The following EPB41L4B variants were observed in gnomAD, a reference collection of about 807,000 sequenced individuals.
EPB41L4B encodes the protein band 4.1-like protein 4B.
EPB41L4B carries 30 observed loss-of-function variants against 112.5 expected under a neutral mutation model. The observed-to-expected ratio is 0.27, with a 90% CI of 0.20 to 0.36. The LOEUF is 0.36. Ranked by LOEUF, EPB41L4B falls within the 10% of genes least tolerant of loss-of-function variation. The pLI is 1.00. For synonymous variants in EPB41L4B, 408 were observed against 439.7 expected, an observed-to-expected ratio of 0.93 and a Z score of 0.90; for missense variants, 1,024 against 1,133.3, an observed-to-expected ratio of 0.90 and a Z score of 1.38.
chr9:109,275,800 T>C (rs566569835), intron 2 of EPB41L4B, among the ~76,000 whole-genome samples: 73 of 152,142 alleles, frequency 4.8e-4, no homozygotes, highest in African/African-American at 1.7e-3. Context: ...AATTGCAAAA[T>C]TTGAGTTTGA....
At position 109,255,696 on chromosome 9, in the gene EPB41L4B, C is replaced by T. The variant is rs1324545830; in HGVS notation, c.1000-16G>A. 6.2e-7 allele frequency: 1 copy of T among 1,610,986 alleles called. No individual in the cohort carries two copies. The highest frequency in any genetic ancestry group is 2.2e-5 in the East Asian group (1 of 44,818). ...GCTCACGTCCCTTAAAGAGGAAGCACAAGGGCCTCGAGTGGGCGTTTGCAA... is the reference window on the plus strand; with the variant it reads ...GCTCACGTCCCTTAAAGAGGAAGCATAAGGGCCTCGAGTGGGCGTTTGCAA... On this transcript the variant is annotated splice_polypyrimidine_tract_variant and intron_variant, in intron 10 of 25. Transcript: ENST00000374566.
At chr9:109,298,738 T>A (rs1238680668) in intron 1 of EPB41L4B, among the ~76,000 whole-genome samples, 1 of 152,170 alleles carries the variant, frequency 6.6e-6, no homozygotes, top group Non-Finnish European at 1.5e-5. Flanking sequence ...CTAGGTAACG[T>A]CTCGTCATCT....
rs1835491120 is a variant in EPB41L4B, at chr9:109,268,554, T to C, written c.412-121A>G. ...CCCACAAAAACCAGGGTTTGGATCATATCATGGGTTCTTAGGCTGGGAATC... is the reference window on the plus strand; with the variant it reads ...CCCACAAAAACCAGGGTTTGGATCACATCATGGGTTCTTAGGCTGGGAATC... On this transcript the variant is annotated intron_variant, in intron 2 of 25. Coordinates refer to ENST00000374566, the MANE Select transcript of EPB41L4B (RefSeq NM_019114.5). 15 of 836,552 alleles carry C rather than the reference T, an allele frequency of 1.8e-5. No individual in the cohort carries two copies. In the East Asian group the frequency reaches 4.0e-4, roughly 22 times the overall value. 51.8% of individuals were successfully genotyped at this position (836,552 alleles called of 1,614,324 possible). A position where few individuals can be genotyped will look rare whatever the true frequency, so the allele number is the denominator to read the frequency against.
intron 16 of EPB41L4B, among the ~76,000 whole-genome samples, chr9:109,214,652 G>C (rs951538612): frequency 6.6e-6 from 1 of 152,226 alleles, no homozygotes; most frequent in African/African-American, 2.4e-5. Context: ...AACAGCAGGT[G>C]CAAAGGACAG....
intron 19 of EPB41L4B, 54 bp from the exon 20 acceptor site, chr9:109,200,388 G>C: frequency 7.1e-7 from 1 of 1,410,080 alleles, no homozygotes; most frequent in East Asian, 2.3e-5. Flanking sequence ...TTATGGTCTC[G>C]TTTTAGCCAT....
At chr9:109,289,131 G>C (rs1168680384) in intron 1 of EPB41L4B, among the ~76,000 whole-genome samples, 1 of 152,086 alleles carries the variant, frequency 6.6e-6, no homozygotes, top group African/African-American at 2.4e-5. Flanking sequence ...AGAATAAAGT[G>C]CAGGTTCCTC....
intron 15 of EPB41L4B, 105 bp from the exon 16 acceptor site, chr9:109,217,250 A>G (rs1352134244): frequency 1.1e-6 from 1 of 902,762 alleles, no homozygotes; most frequent in Non-Finnish European, 1.7e-6. Context: ...AAAGAAATAA[A>G]CTCAAAAACT....
chr9:109,273,195 G>T (rs778324950), intron 2 of EPB41L4B, among the ~76,000 whole-genome samples: 1 of 152,042 alleles, frequency 6.6e-6, no homozygotes, highest in Admixed American at 6.5e-5. Flanking sequence ...GAAAACACTC[G>T]GCCTGCCTCC....
chr9:109,304,648 T>C (rs1837099876), intron 1 of EPB41L4B, among the ~76,000 whole-genome samples: 1 of 152,104 alleles, frequency 6.6e-6, no homozygotes, highest in South Asian at 2.1e-4. Flanking sequence ...CAATCTCCTA[T>C]ATAATGAGGA....
chr9:109,297,357 G>C (rs1269675228), intron 1 of EPB41L4B, among the ~76,000 whole-genome samples: 2 of 152,090 alleles, frequency 1.3e-5, no homozygotes, highest in Admixed American at 6.5e-5. Context: ...AGCAGTCCTA[G>C]CAAACTAACA....
At chr9:109,263,432 A>T (rs1203263754) in intron 5 of EPB41L4B, among the ~76,000 whole-genome samples, 2 of 152,256 alleles carry the variant, frequency 1.3e-5, no homozygotes, top group Non-Finnish European at 2.9e-5. Context: ...ACATATTTTA[A>T]ATTTATTTTA....
chr9:109,253,963 A>G (rs192197939), intron 11 of EPB41L4B, among the ~76,000 whole-genome samples: 1 of 152,348 alleles, frequency 6.6e-6, no homozygotes, highest in African/African-American at 2.4e-5. Context: ...TTGCTATGCC[A>G]AGGCAAACAT....
chr9:109,296,734 A>G (rs900482783), intron 1 of EPB41L4B, among the ~76,000 whole-genome samples: 11 of 152,158 alleles, frequency 7.2e-5, no homozygotes, highest in Admixed American at 5.2e-4. Context: ...ACAAAATTTT[A>G]AAAATTATCT....
At chr9:109,182,015 C>A (rs928551522) in intron 24 of EPB41L4B, among the ~76,000 whole-genome samples, 1 of 152,174 alleles carries the variant, frequency 6.6e-6, no homozygotes, top group Admixed American at 6.5e-5. Context: ...TGGAGACCAG[C>A]CTGGCGAACG....
At chr9:109,298,591 C>T (rs955821876) in intron 1 of EPB41L4B, among the ~76,000 whole-genome samples, 11 of 152,186 alleles carry the variant, frequency 7.2e-5, no homozygotes, top group Admixed American at 2.6e-4. Flanking sequence ...GGATTACAGG[C>T]GTGAGCCACG....
At chr9:109,274,410 T>A (rs1422680989) in intron 2 of EPB41L4B, among the ~76,000 whole-genome samples, 1 of 152,174 alleles carries the variant, frequency 6.6e-6, no homozygotes, top group Non-Finnish European at 1.5e-5. Flanking sequence ...GGATATCTTG[T>A]TCATTTTATC....
At chr9:109,238,797 G>A (rs1834246050) in intron 15 of EPB41L4B, among the ~76,000 whole-genome samples, 1 of 152,306 alleles carries the variant, frequency 6.6e-6, no homozygotes, top group East Asian at 1.9e-4. Flanking sequence ...GGAAGGGATG[G>A]GAGTGACAGA....
chr9:109,255,380 A>C, intron 11 of EPB41L4B, 131 bp downstream of exon 11: 2 of 1,054,830 alleles, frequency 1.9e-6, no homozygotes. Flanking sequence ...ACTCACCTTA[A>C]GAAACGTGGG....
At chr9:109,277,793 CAGA>C (rs1472398758) in intron 2 of EPB41L4B, among the ~76,000 whole-genome samples, 1 of 152,048 alleles carries the variant, frequency 6.6e-6, no homozygotes, top group Non-Finnish European at 1.5e-5. Flanking sequence ...GGACAAAGGG[CAGA>C]AGGAGACCGC....
Sources: gnomAD v4.1 joint callset for allele counts (sites outside exome capture counted in the v4.1 genomes callset) on GRCh38, gnomAD v4.1.1 for gene constraint, MANE v1.5 for transcripts, NCBI Gene and HGNC (gene_info 2026-07-23, HGNC 2026-07-21) for gene names.